Variants in FCSK observed in about 807,000 individuals in gnomAD.
FCSK encodes the protein fucose kinase, also known as L-fucose kinase.
A neutral mutation model predicts 122.5 loss-of-function variants in FCSK; 123 were observed. The observed-to-expected ratio is 1.00, with a 90% CI of 0.87 to 1.17. The LOEUF is 1.17. Ranked by LOEUF, FCSK falls within the 50% of genes most tolerant of loss-of-function variation. The pLI, the probability that FCSK is intolerant of heterozygous loss-of-function variation, is 0.00. For missense variants in FCSK, 1,366 were observed against 1,450.4 expected (o/e 0.94, Z 0.95); for synonymous variants, 620 against 625.5 (o/e 0.99, Z 0.13).
chr16:70,460,268 C>G (rs375101310), intron 1 of FCSK, among the ~76,000 whole-genome samples: 1 of 151,728 alleles, frequency 6.6e-6, no homozygotes, highest in Non-Finnish European at 1.5e-5. Context: ...CCCGCCACCA[C>G]GCCCAGCTAA....
Position 70,471,407 on chromosome 16 carries a change from A to G in FCSK, c.1341+55A>G, listed in dbSNP as rs963460388. On this transcript the variant is annotated intron_variant, in intron 13 of 23. Transcript: ENST00000288078. ...CCATCTTCAGGCTTTGGGGAGCCCA[A>G]GGAGTCCTGGCCCCCACCCCACTGC... The G allele has an allele frequency of 9.4e-6, 14 of 1,488,302 alleles. No individual in the cohort carries two copies. In the African/African-American group the frequency reaches 1.5e-4, roughly 16 times the overall value. The allele number at this position is 1,488,302 out of a possible 1,614,324, so 92.2% of individuals were successfully genotyped here.
intron 21 of FCSK, 38 bp from the exon 22 acceptor site, chr16:70,478,513 C>G: frequency 6.2e-7 from 1 of 1,613,432 alleles, no homozygotes; most frequent in Non-Finnish European, 8.5e-7. Context: ...CCAGCTGGGC[C>G]TGGGTCCTCA....
At chr16:70,478,884 G>A (rs908630174) in intron 22 of FCSK, 2 of 698,814 alleles carry the variant, frequency 2.9e-6, no homozygotes, top group African/African-American at 1.7e-5. Flanking sequence ...GCAGAGAGGG[G>A]AAGGGACTCA....
At chr16:70,463,580 C>T (rs966346754) in intron 2 of FCSK, 43 bp from the exon 3 acceptor site, 2 of 1,606,666 alleles carry the variant, frequency 1.2e-6, no homozygotes, top group Non-Finnish European at 1.7e-6. Flanking sequence ...TGGGCCAGGG[C>T]AGAGAGCTGG....
chr16:70,458,251 C>A (rs1292671084), intron 1 of FCSK, among the ~76,000 whole-genome samples: 4 of 151,380 alleles, frequency 2.6e-5, no homozygotes, highest in African/African-American at 9.7e-5. Flanking sequence ...CCACCGCTTC[C>A]CAGGTTCAAG....
intron 6 of FCSK, 144 bp from the exon 7 acceptor site, chr16:70,467,230 C>T (rs919929691): frequency 1.9e-4 from 124 of 640,896 alleles, no homozygotes; most frequent in Middle Eastern, 8.2e-4. Context: ...TTCTCCCAGG[C>T]GAATGTCCAT....
At position 70,466,920 on chromosome 16, in the gene FCSK, C is replaced by T; in HGVS notation, c.450C>T (p.Ser150=). Residue 150 remains serine, a synonymous_variant, in exon 6 of 24, where the codon AGC becomes AGT. Transcript: ENST00000288078. ...CCCCGCCAGGCGTGTGGGTCTGCAGCACCGACATGCTGCTGTCTGTTCCTG... is the reference window on the plus strand; with the variant it reads ...CCCCGCCAGGCGTGTGGGTCTGCAGTACCGACATGCTGCTGTCTGTTCCTG... ...PGSPPGVWVC[S]TDMLLSVPAN... 6.2e-7 allele frequency: 1 copy of T among 1,613,982 alleles called. No individual in the cohort carries two copies. The highest frequency in any genetic ancestry group is 2.2e-5 in the East Asian group (1 of 44,886).
intron 18 of FCSK, among the ~76,000 whole-genome samples, 163 bp from the exon 19 acceptor site, chr16:70,475,175 TGTCCCTGTCTGG>T (rs935515202): frequency 6.6e-6 from 1 of 152,184 alleles, no homozygotes; most frequent in African/African-American, 2.4e-5. Context: ...AGATGACACG[TGTCCCTGTCTGG>T]GAGCCCAGAG....
At chr16:70,470,909 A>G (rs1708715570) in intron 11 of FCSK, 62 bp from the exon 12 acceptor site, 2 of 1,433,056 alleles carry the variant, frequency 1.4e-6, no homozygotes, top group Non-Finnish European at 1.9e-6. Context: ...TTGGCTTGGG[A>G]GGAGAGCTGG....
chr16:70,459,953 C>G (rs2048211546), intron 1 of FCSK, among the ~76,000 whole-genome samples: 1 of 151,946 alleles, frequency 6.6e-6, no homozygotes, highest in African/African-American at 2.4e-5. Context: ...AGGTGCCCAC[C>G]ACCACATCTG....
Position 70,473,763 on chromosome 16 carries a change from C to T in FCSK, c.1778-366C>T, listed in dbSNP as rs1000378653. Among the ~76,000 whole-genome samples, 2 of 152,180 alleles carry T rather than the reference C, an allele frequency of 1.3e-5. No homozygotes were observed. The highest frequency in any genetic ancestry group is 1.5e-5 in the Non-Finnish European group (1 of 68,026). On this transcript the variant is annotated intron_variant, in intron 15 of 23. Transcript: ENST00000288078. This position sits in a 1 kb window ranked among gnomAD's most constrained non-coding sequence, Gnocchi z 4.9. ...ACAGCCTTAGCCTCCTAGGCTGAACCTCATGGAAGGTCCCAGGGACCGTGG... is the reference window on the plus strand; with the variant it reads ...ACAGCCTTAGCCTCCTAGGCTGAACTTCATGGAAGGTCCCAGGGACCGTGG...
At chr16:70,479,046 C>A in intron 22 of FCSK, 134 bp from the exon 23 acceptor site, 1 of 725,542 alleles carries the variant, frequency 1.4e-6, no homozygotes, top group Non-Finnish European at 2.3e-6. Flanking sequence ...TTACTCCTGG[C>A]TCCAGCCGGC....
At chr16:70,455,504 C>CAAACCAA (rs1555565107) in intron 1 of FCSK, among the ~76,000 whole-genome samples, 6 of 150,930 alleles carry the variant, frequency 4.0e-5, no homozygotes, top group Non-Finnish European at 7.4e-5. Context: ...ACAAAACAAA[C>CAAACCAA]CAACAACAAC....
Position 70,465,110 on chromosome 16 carries a change from T to C in FCSK, c.235-16T>C. 2 of 1,613,584 alleles carry C rather than the reference T, an allele frequency of 1.2e-6. No homozygotes were observed. The highest frequency in any genetic ancestry group is 1.7e-6 in the Non-Finnish European group (2 of 1,179,836). On this transcript the variant is annotated splice_polypyrimidine_tract_variant and intron_variant, in intron 3 of 23. Coordinates refer to ENST00000288078, the MANE Select transcript of FCSK (RefSeq NM_145059.3). ...TGCCTGAGGCCTCTGTTCACAGGGC[T>C]TTCCCACTCCTGCAGGTGGTCACAT...
chr16:70,478,654 AG>A lies in FCSK; in HGVS notation c.2929+8del, dbSNP rs754019661. 4.3e-6 allele frequency: 7 copies of A among 1,612,496 alleles called. No individual in the cohort carries two copies. The African/African-American group carries it at 9.3e-5, about 22-fold the overall frequency. On this transcript the variant is annotated splice_donor_5th_base_variant and intron_variant, in intron 22 of 23. Transcript: ENST00000288078. ...TGTGCTGAAGGCTTCCGCCAAGGTG[AG>A]GGGCTTCCTCTGGGGGGGTCAGGGC...
At position 70,475,672 on chromosome 16, in the gene FCSK, C is replaced by G. The variant is rs772853697; in HGVS notation, c.2546C>G (p.Thr849Ser). 2 of 1,600,840 alleles carry G rather than the reference C, an allele frequency of 1.2e-6. No individual in the cohort carries two copies. The highest frequency in any genetic ancestry group is 1.3e-5 in the African/African-American group (1 of 74,760). ...GGCACCAGCAGCATCCTGGCAGGCA[C>G]TGCCCTGGCTGCCTTGCAGCGAGCC... Reference protein sequence around the residue: ...GLGTSSILAGTALAALQRAAG... With the variant: ...GLGTSSILAGSALAALQRAAG... Residue 849 changes from threonine to serine, a missense_variant, in exon 20 of 24, where the codon ACT (threonine) becomes AGT (serine). Physicochemically the swap from Thr to Ser is moderately conservative, Grantham distance 58. Coordinates refer to ENST00000288078, the MANE Select transcript of FCSK (RefSeq NM_145059.3).
At chr16:70,466,423 T>G (rs2048420538) in intron 5 of FCSK, 166 bp downstream of exon 5, 4 of 811,104 alleles carry the variant, frequency 4.9e-6, no homozygotes, top group Non-Finnish European at 7.5e-6. Flanking sequence ...CTGGGGGCAG[T>G]GGCTCATGCC....
chr16:70,458,693 C>T (rs1221684231), intron 1 of FCSK, among the ~76,000 whole-genome samples: 4 of 152,102 alleles, frequency 2.6e-5, no homozygotes, highest in African/African-American at 9.7e-5. Flanking sequence ...GGTAATCTTC[C>T]TGCCTTGGCC....
At chr16:70,472,332 C>T (rs1312242291) in intron 13 of FCSK, among the ~76,000 whole-genome samples, 2 of 152,170 alleles carry the variant, frequency 1.3e-5, no homozygotes, top group East Asian at 3.9e-4. Context: ...AATCTCAACA[C>T]TCTGGGAGGC....
Sources: allele counts gnomAD v4.1 joint callset (sites outside exome capture counted in the v4.1 genomes callset), GRCh38; gene constraint gnomAD v4.1.1; non-coding constraint Gnocchi (gnomAD v3.1); transcripts MANE v1.5; gene names NCBI Gene and HGNC (gene_info 2026-07-23, HGNC 2026-07-21).